The following SPAG16 variants were observed in gnomAD, a reference collection of about 807,000 sequenced individuals.
The protein encoded by SPAG16 is sperm-associated antigen 16 protein.
SPAG16 carries 86 observed loss-of-function variants against 80.4 expected under a neutral mutation model. That is an observed-to-expected ratio of 1.07 (90% CI 0.90 to 1.28). SPAG16 has a LOEUF of 1.28. Ranked by LOEUF, SPAG16 falls within the 50% of genes most tolerant of loss-of-function variation. The pLI is 0.00. For missense variants in SPAG16, 870 were observed against 765.3 expected, an observed-to-expected ratio of 1.14 and a Z score of -1.61; for synonymous variants, 294 against 265.9, an observed-to-expected ratio of 1.11 and a Z score of -1.03.
chr2:214,308,404 G>A (rs934153376), intron 15 of SPAG16, among the ~76,000 whole-genome samples: 1 of 152,002 alleles, frequency 6.6e-6, no homozygotes, highest in Non-Finnish European at 1.5e-5. Flanking sequence ...GTTAGTATTG[G>A]TATGTGTGGA....
chr2:214,313,478 T>C (rs977520720), intron 15 of SPAG16, among the ~76,000 whole-genome samples: 1 of 152,286 alleles, frequency 6.6e-6, no homozygotes, highest in South Asian at 2.1e-4. Flanking sequence ...ATTTCATTTT[T>C]AGTAAAATTA....
At chr2:213,868,011 A>G (rs905470484) in intron 11 of SPAG16, among the ~76,000 whole-genome samples, 4 of 151,776 alleles carry the variant, frequency 2.6e-5, no homozygotes, top group Non-Finnish European at 5.9e-5. Flanking sequence ...GGGAAGAGGC[A>G]ATTGTGTTTT....
chr2:214,397,158 CTTTT>C (rs66580402), intron 15 of SPAG16, among the ~76,000 whole-genome samples: 1 of 129,962 alleles, frequency 7.7e-6, no homozygotes, highest in Non-Finnish European at 1.6e-5. Flanking sequence ...TTTTAATTTT[CTTTT>C]TTTTTTTTTT....
intron 9 of SPAG16, among the ~76,000 whole-genome samples, chr2:213,410,997 G>A (rs1213759520): frequency 1.3e-5 from 2 of 152,214 alleles, no homozygotes; most frequent in Non-Finnish European, 2.9e-5. Context: ...GTTCCTTAGA[G>A]ACCTGAAGGG....
chr2:213,335,082 A>C (rs1373667245), intron 5 of SPAG16, among the ~76,000 whole-genome samples: 1 of 152,190 alleles, frequency 6.6e-6, no homozygotes. Context: ...TGTACCCACA[A>C]AAATTTTAAA....
intron 5 of SPAG16, among the ~76,000 whole-genome samples, chr2:213,327,916 A>G (rs957028091): frequency 2.6e-5 from 4 of 152,158 alleles, no homozygotes; most frequent in African/African-American, 9.6e-5. Context: ...GTAATTTAGT[A>G]TTTGCTATGT....
chr2:213,857,610 C>T (rs1466651672), intron 10 of SPAG16, among the ~76,000 whole-genome samples: 1 of 152,156 alleles, frequency 6.6e-6, no homozygotes, highest in Admixed American at 6.5e-5. Flanking sequence ...CACCTGGTCA[C>T]TCAAGAACTG....
chr2:213,335,384 G>C (rs1229194482), intron 5 of SPAG16, among the ~76,000 whole-genome samples: 1 of 152,122 alleles, frequency 6.6e-6, no homozygotes, highest in Non-Finnish European at 1.5e-5. Flanking sequence ...TTTTGTTAAA[G>C]TGAGTATATG....
At chr2:213,413,475 T>C (rs2069096520) in intron 9 of SPAG16, among the ~76,000 whole-genome samples, 1 of 152,178 alleles carries the variant, frequency 6.6e-6, no homozygotes, top group Non-Finnish European at 1.5e-5. Flanking sequence ...TGCTAGACAT[T>C]GTATAGGTTA....
At chr2:213,953,925 A>G (rs2043985957) in intron 12 of SPAG16, among the ~76,000 whole-genome samples, 1 of 152,066 alleles carries the variant, frequency 6.6e-6, no homozygotes, top group African/African-American at 2.4e-5. Context: ...AAATAGAATA[A>G]ATGTCTAAAT....
intron 15 of SPAG16, among the ~76,000 whole-genome samples, chr2:214,345,125 G>A (rs1214187953): frequency 1.3e-5 from 2 of 152,036 alleles, no homozygotes; most frequent in Non-Finnish European, 2.9e-5. Flanking sequence ...TACTGAACCC[G>A]GTATCCCAGA....
intron 6 of SPAG16, among the ~76,000 whole-genome samples, chr2:213,349,281 G>A (rs565788539): frequency 1.3e-5 from 2 of 152,014 alleles, no homozygotes; most frequent in Non-Finnish European, 2.9e-5. Flanking sequence ...CTTAAAAAGA[G>A]CAAATTACAA....
At chr2:213,849,175 A>C (rs1042283313) in intron 10 of SPAG16, among the ~76,000 whole-genome samples, 4 of 152,190 alleles carry the variant, frequency 2.6e-5, no homozygotes, top group African/African-American at 7.2e-5. Context: ...GCTTATGCAC[A>C]GATCACACGG....
At chr2:214,155,876 C>A (rs2056191472) in intron 15 of SPAG16, among the ~76,000 whole-genome samples, 1 of 152,060 alleles carries the variant, frequency 6.6e-6, no homozygotes, top group African/African-American at 2.4e-5. Flanking sequence ...AACTGAGAGA[C>A]AAAGCATTAA....
Position 214,291,300 on chromosome 2 carries a change from C to CT in SPAG16, c.1721-118817dup, listed in dbSNP as rs56771172. Reference sequence around the variant, plus strand: ...AGCAGTATATATTTAGATCATGTTTCTTTTTTTTTTTTTTTTTTTTTTTGA... The same window carrying CT: ...AGCAGTATATATTTAGATCATGTTTCTTTTTTTTTTTTTTTTTTTTTTTTGA... On this transcript the variant is annotated intron_variant, in intron 15 of 15. Transcript: ENST00000331683. Among the ~76,000 whole-genome samples the CT allele has an allele frequency of 4.9e-3, 396 of 80,458 alleles. 66 individuals are homozygous for CT. The highest frequency in any genetic ancestry group is 6.7e-3 in the South Asian group (13 of 1,932). The allele number at this position is 80,458 out of a possible 152,430, so 52.8% of individuals were successfully genotyped here. A position where few individuals can be genotyped will look rare whatever the true frequency, so the allele number is the denominator to read the frequency against.
At chr2:213,992,962 G>A (rs1164539577) in intron 12 of SPAG16, among the ~76,000 whole-genome samples, 1 of 152,200 alleles carries the variant, frequency 6.6e-6, no homozygotes, top group Non-Finnish European at 1.5e-5. Context: ...CTGAAGGAGG[G>A]TGGTCATACC....
chr2:213,837,050 C>T (rs2074126402), intron 10 of SPAG16, among the ~76,000 whole-genome samples: 1 of 152,068 alleles, frequency 6.6e-6, no homozygotes, highest in Admixed American at 6.5e-5. Flanking sequence ...TTATCAGAGA[C>T]TCCTCATTTT....
chr2:214,282,178 G>A (rs546210573), intron 15 of SPAG16, among the ~76,000 whole-genome samples: 4 of 152,114 alleles, frequency 2.6e-5, no homozygotes, highest in South Asian at 4.1e-4. Context: ...ATACTTTAAC[G>A]CTGTTAAAAT....
chr2:213,397,269 A>T (rs1036135310), intron 9 of SPAG16, among the ~76,000 whole-genome samples: 3 of 152,208 alleles, frequency 2.0e-5, no homozygotes, highest in Non-Finnish European at 4.4e-5. Context: ...CCAGTATGAG[A>T]GAGCAACAAC....
Sources: gnomAD v4.1 joint callset for allele counts (sites outside exome capture counted in the v4.1 genomes callset) on GRCh38, gnomAD v4.1.1 for gene constraint, MANE v1.5 for transcripts, NCBI Gene and HGNC (gene_info 2026-07-23, HGNC 2026-07-21) for gene names.